CDH4: variants seen among roughly 807,000 people sequenced by gnomAD.
CDH4 encodes the protein cadherin 4.
A neutral mutation model predicts 86.0 loss-of-function variants in CDH4; 33 were observed. The observed-to-expected ratio is 0.38, with a 90% confidence interval of 0.29 to 0.51. The LOEUF is 0.51. CDH4 is among the 20% of genes least tolerant of loss of function. CDH4 has a pLI of 0.86. For missense variants in CDH4, 1,114 were observed against 1,307.4 expected (o/e 0.85, Z 2.28); for synonymous variants, 555 against 549.4 (o/e 1.01, Z -0.14).
intron 2 of CDH4, among the ~76,000 whole-genome samples, chr20:61,635,770 G>T (rs911728468): frequency 6.6e-6 from 1 of 152,188 alleles, no homozygotes; most frequent in Non-Finnish European, 1.5e-5. Flanking sequence ...GAGCGCTAGG[G>T]CTGCAAGCAC....
intron 7 of CDH4, among the ~76,000 whole-genome samples, chr20:61,892,601 G>T (rs1478036204): frequency 6.6e-6 from 1 of 152,202 alleles, no homozygotes; most frequent in Admixed American, 6.5e-5. Flanking sequence ...CACAGAGGGG[G>T]TTAGCAGCCA....
chr20:61,605,454 T>TCTGTCTCTGTCTCTCTATTTGTCTCTCC (rs2086636233), intron 2 of CDH4, among the ~76,000 whole-genome samples: 1 of 152,004 alleles, frequency 6.6e-6, no homozygotes, highest in Non-Finnish European at 1.5e-5. Context: ...TCTCTCTTTC[T>TCTGTCTCTGTCTCTCTATTTGTCTCTCC]CTGTCTCTGT....
intron 2 of CDH4, among the ~76,000 whole-genome samples, chr20:61,416,699 A>C (rs544007313): frequency 1.3e-5 from 2 of 152,162 alleles, no homozygotes; most frequent in African/African-American, 2.4e-5. Flanking sequence ...CTCTGCTCAG[A>C]CCAGACCCAT....
At chr20:61,550,867 T>C (rs764324370) in intron 2 of CDH4, among the ~76,000 whole-genome samples, 2 of 152,166 alleles carry the variant, frequency 1.3e-5, no homozygotes, top group Non-Finnish European at 2.9e-5. Flanking sequence ...GCGGAATCAC[T>C]GGACAGGAGG....
chr20:61,633,365 CCATGTATCTATT>C (rs879326459), intron 2 of CDH4, among the ~76,000 whole-genome samples: 2 of 152,098 alleles, frequency 1.3e-5, no homozygotes, highest in Admixed American at 1.3e-4. Context: ...ATCCATCTAT[CCATGTATCTATT>C]CATCTATTCA....
chr20:61,797,821 C>A lies in CDH4; in HGVS notation c.576+24639C>A, dbSNP rs573172811. The stretch of plus-strand genomic sequence containing the variant: ...CAAAAAAGACAAATGTCCGGCCAGG[C>A]CTCCCCACTGAGGTTCTGGCGGAGA... On this transcript the variant is annotated intron_variant, in intron 4 of 15. Transcript: ENST00000614565. 6.6e-5 allele frequency among the ~76,000 whole-genome samples: 10 copies of A among 152,284 alleles called. 1 individual carries two copies. The highest frequency in any genetic ancestry group is 4.2e-4 in the South Asian group (2 of 4,818).
intron 2 of CDH4, among the ~76,000 whole-genome samples, chr20:61,451,122 G>GCCC (rs11313145): frequency 1.8e-3 from 176 of 100,570 alleles, no homozygotes; most frequent in African/African-American, 4.3e-3. Flanking sequence ...TCCCTCTCAC[G>GCCC]CCCCCCCCCT....
At chr20:61,889,607 G>A in intron 7 of CDH4, among the ~76,000 whole-genome samples, 2 of 10,902 alleles carry the variant, frequency 1.8e-4, no homozygotes, top group Non-Finnish European at 5.3e-4. Context: ...ATGGATGATG[G>A]GTGGATAGAT....
chr20:61,854,391 G>A (rs902742651), intron 6 of CDH4, among the ~76,000 whole-genome samples: 5 of 151,968 alleles, frequency 3.3e-5, no homozygotes, highest in African/African-American at 1.2e-4. Flanking sequence ...GCTGCAGTGT[G>A]AACAGGGTGA....
intron 2 of CDH4, among the ~76,000 whole-genome samples, chr20:61,305,394 G>A (rs955155210): frequency 1.2e-4 from 19 of 152,138 alleles, no homozygotes; most frequent in Admixed American, 2.0e-4. Flanking sequence ...TGCTGAATGC[G>A]GATTCCCACT....
chr20:61,860,561 G>T (rs2146127475), intron 6 of CDH4, among the ~76,000 whole-genome samples: 1 of 152,268 alleles, frequency 6.6e-6, no homozygotes, highest in Admixed American at 6.5e-5. Flanking sequence ...TGTCTGGGAG[G>T]GAGGAGGAGG....
At chr20:61,400,093 C>A (rs2085041568) in intron 2 of CDH4, among the ~76,000 whole-genome samples, 1 of 152,214 alleles carries the variant, frequency 6.6e-6, no homozygotes, top group African/African-American at 2.4e-5. Flanking sequence ...CTGGCCCTAA[C>A]TGTAGAGAAC....
At chr20:61,253,447 A>G (rs1422069054) in intron 1 of CDH4, among the ~76,000 whole-genome samples, 2 of 150,992 alleles carry the variant, frequency 1.3e-5, no homozygotes, top group Non-Finnish European at 3.0e-5. Context: ...AGTTGCAGGA[A>G]CCCCCTCTCG....
At chr20:61,525,344 T>C (rs989744759) in intron 2 of CDH4, among the ~76,000 whole-genome samples, 1 of 152,150 alleles carries the variant, frequency 6.6e-6, no homozygotes, top group Admixed American at 6.5e-5. Flanking sequence ...CAGCACTTCC[T>C]TGGGTTTGCC....
intron 2 of CDH4, among the ~76,000 whole-genome samples, chr20:61,651,087 C>G (rs1230882083): frequency 1.3e-5 from 2 of 151,206 alleles, no homozygotes; most frequent in Non-Finnish European, 2.9e-5. Context: ...TGGCCGTGCA[C>G]TGGTGTGCTC....
At chr20:61,639,887 C>T (rs2086987434) in intron 2 of CDH4, among the ~76,000 whole-genome samples, 1 of 152,116 alleles carries the variant, frequency 6.6e-6, no homozygotes, top group Non-Finnish European at 1.5e-5. Flanking sequence ...AATGAAAATG[C>T]CCATCTTTGT....
intron 2 of CDH4, among the ~76,000 whole-genome samples, chr20:61,491,157 G>T (rs2085623784): frequency 6.6e-6 from 1 of 152,200 alleles, no homozygotes; most frequent in Admixed American, 6.5e-5. Flanking sequence ...TCTTTCTTAT[G>T]TTGGGTTTTC....
intron 4 of CDH4, among the ~76,000 whole-genome samples, chr20:61,800,593 C>T (rs1979777844): frequency 6.6e-6 from 1 of 152,252 alleles, no homozygotes; most frequent in Non-Finnish European, 1.5e-5. Context: ...AGCGGGGCTG[C>T]AGTGTGAGCC....
intron 2 of CDH4, among the ~76,000 whole-genome samples, chr20:61,685,850 C>T (rs1463887589): frequency 2.0e-5 from 3 of 152,230 alleles, no homozygotes; most frequent in African/African-American, 7.2e-5. Context: ...TCACATTAAT[C>T]TCAGGTGGGA....
Sources: gnomAD v4.1 joint callset for allele counts (sites outside exome capture counted in the v4.1 genomes callset) on GRCh38, gnomAD v4.1.1 for gene constraint, MANE v1.5 for transcripts, NCBI Gene and HGNC (gene_info 2026-07-23, HGNC 2026-07-21) for gene names.